MAGI2: variants seen among roughly 807,000 people sequenced by gnomAD.
MAGI2 encodes the protein membrane-associated guanylate kinase, WW and PDZ domain-containing protein 2.
A neutral mutation model predicts 133.3 loss-of-function variants in MAGI2; 35 were observed. The observed-to-expected ratio is 0.26, with a 90% CI of 0.20 to 0.35. The LOEUF is 0.35. Ranked by LOEUF, MAGI2 falls within the 10% of genes least tolerant of loss-of-function variation. The probability of loss-of-function intolerance (pLI) is 1.00; values close to 1 mark genes in which losing one functional copy is unlikely to be tolerated. For missense variants in MAGI2, 1,636 were observed against 1,863.4 expected (o/e 0.88, Z 2.25); for synonymous variants, 729 against 710.6 (o/e 1.03, Z -0.41).
At chr7:78,820,012 G>A (rs1036100706) in intron 2 of MAGI2, among the ~76,000 whole-genome samples, 1 of 151,962 alleles carries the variant, frequency 6.6e-6, no homozygotes, top group Admixed American at 6.5e-5. Context: ...GTCCATGTAT[G>A]TGGGCAGGAA....
chr7:78,963,728 CT>C (rs939453098), intron 2 of MAGI2, among the ~76,000 whole-genome samples: 1 of 150,670 alleles, frequency 6.6e-6, no homozygotes, highest in Non-Finnish European at 1.5e-5. Flanking sequence ...CTTTTTTTTC[CT>C]TAAAAAAAAA....
At chr7:78,633,224 G>C (rs536786551) in intron 2 of MAGI2, among the ~76,000 whole-genome samples, 1 of 152,292 alleles carries the variant, frequency 6.6e-6, no homozygotes, top group Admixed American at 6.5e-5. Flanking sequence ...GGCAACAACA[G>C]ATACTGGGGT....
At chr7:78,190,834 C>T (rs758087807) in intron 12 of MAGI2, among the ~76,000 whole-genome samples, 7 of 152,172 alleles carry the variant, frequency 4.6e-5, no homozygotes, top group Admixed American at 6.5e-5. Context: ...AAATTCAAGT[C>T]CTTCCTTTAT....
At chr7:78,886,420 C>T (rs1796275508) in intron 2 of MAGI2, among the ~76,000 whole-genome samples, 1 of 152,164 alleles carries the variant, frequency 6.6e-6, no homozygotes, top group South Asian at 2.1e-4. Context: ...ATGTAATAAG[C>T]ATCTAATTTC....
intron 1 of MAGI2, among the ~76,000 whole-genome samples, chr7:79,184,606 G>T (rs762501248): frequency 2.0e-5 from 3 of 151,538 alleles, no homozygotes; most frequent in Non-Finnish European, 4.4e-5. Context: ...TTCTAACATG[G>T]GATACAACTT....
chr7:78,254,995 T>A (rs1044181745), intron 10 of MAGI2: 1 of 152,270 alleles, frequency 6.6e-6, no homozygotes, highest in Non-Finnish European at 1.5e-5. Flanking sequence ...TGACTTTCAG[T>A]GTCCTAAGTC....
At chr7:78,880,046 C>A (rs1264449132) in intron 2 of MAGI2, among the ~76,000 whole-genome samples, 2 of 151,950 alleles carry the variant, frequency 1.3e-5, no homozygotes, top group Non-Finnish European at 2.9e-5. Flanking sequence ...ATAAAATGAA[C>A]AAAGTCTTTG....
rs1366134224 is a variant in MAGI2, at chr7:78,521,481, C to T, written c.703G>A (p.Glu235Lys). The change falls in exon 4 of 22, where the codon GAA (glutamate) becomes AAA (lysine). Residue 235 changes from glutamate (E) to lysine (K), a missense_variant. Around this residue, in one of 5 missense-constraint regions of MAGI2, gnomAD observed 165 missense variants for 128.4 expected, o/e 1.28. Coordinates refer to ENST00000354212, the MANE Select transcript of MAGI2 (RefSeq NM_012301.4). Reference protein sequence around the residue: ...EKASIEPPEEEEEERPVVNGN... With the variant: ...EKASIEPPEEKEEERPVVNGN... The stretch of plus-strand genomic sequence containing the variant: ...TTGACCACAGGCCTCTCTTCCTCTT[C>T]CTCCTCAGGAGGCTCTATACTGGCT... 10 of 1,614,130 alleles carry T rather than the reference C, an allele frequency of 6.2e-6. No individual in the cohort carries two copies. Among genetic ancestry groups the T allele is most frequent in the Non-Finnish European group, 8.5e-6 (10 of 1,180,022 alleles).
chr7:78,665,335 G>C (rs1813436021), intron 2 of MAGI2, among the ~76,000 whole-genome samples: 1 of 152,124 alleles, frequency 6.6e-6, no homozygotes, highest in South Asian at 2.1e-4. Context: ...ATACATATAG[G>C]ATAGTTACTC....
chr7:78,573,303 T>TTATATAAATATATATATATAA (rs1801867552), intron 3 of MAGI2, among the ~76,000 whole-genome samples: 1 of 48,896 alleles, frequency 2.0e-5, no homozygotes, highest in African/African-American at 1.1e-4. Flanking sequence ...TATATATATT[T>TTATATAAATATATATATATAA]ATATATATAA....
intron 3 of MAGI2, among the ~76,000 whole-genome samples, chr7:78,534,259 G>GA (rs963641619): frequency 2.0e-5 from 3 of 151,920 alleles, no homozygotes; most frequent in African/African-American, 7.3e-5. Flanking sequence ...GGCTTTTTAA[G>GA]AAAAAAAATT....
At chr7:78,688,014 GA>G (rs1306472957) in intron 2 of MAGI2, among the ~76,000 whole-genome samples, 7 of 105,326 alleles carry the variant, frequency 6.6e-5, no homozygotes, top group South Asian at 6.8e-4. Context: ...AAAAAGAAAA[GA>G]AAAAAAGCAA....
At position 78,018,935 on chromosome 7, in the gene MAGI2, TCTTAA is replaced by T. The variant is rs1356896206; in HGVS notation, c.*375_*379del. The T allele has an allele frequency of 2.5e-6, 1 of 393,998 alleles. No homozygotes were observed. The highest frequency in any genetic ancestry group is 4.5e-6 in the Non-Finnish European group (1 of 223,308). The allele number at this position is 393,998 out of a possible 1,614,324, so 24.4% of individuals were successfully genotyped here. On this transcript the variant is annotated 3_prime_UTR_variant, in exon 22 of 22. Transcript: ENST00000354212. ...AGGCGATATTCCAGTTTGTGATTGC[TCTTAA>T]CTTTGTCCTGTTTCTTGATATAAAG...
At chr7:78,503,555 TCTCCCCCTCCCCCTCCTCCTCCCC>T (rs1794807930) in intron 4 of MAGI2, among the ~76,000 whole-genome samples, 1 of 45,490 alleles carries the variant, frequency 2.2e-5, no homozygotes, top group African/African-American at 1.0e-4. Context: ...ACTCACTCCA[TCTCCCCCTCCCCCTCCTCCTCCCC>T]CTCCTCCTCC....
chr7:79,260,382 AC>A (rs1754419002), intron 1 of MAGI2, among the ~76,000 whole-genome samples: 1 of 27,112 alleles, frequency 3.7e-5, no homozygotes, highest in Non-Finnish European at 1.5e-4. Flanking sequence ...ATACATACAT[AC>A]ATACATACAT....
intron 2 of MAGI2, among the ~76,000 whole-genome samples, chr7:78,695,022 G>A (rs1585111090): frequency 6.6e-6 from 1 of 152,028 alleles, no homozygotes. Flanking sequence ...TCAGGAGATC[G>A]ACATCATCCT....
At chr7:78,934,594 T>C (rs1800380554) in intron 2 of MAGI2, among the ~76,000 whole-genome samples, 1 of 152,160 alleles carries the variant, frequency 6.6e-6, no homozygotes, top group African/African-American at 2.4e-5. Context: ...CTTTCTGATG[T>C]TGTTTCATGC....
At position 78,259,986 on chromosome 7, in the gene MAGI2, G is replaced by A. The variant is rs139115525; in HGVS notation, c.1409-3405C>T. ...TTTTCCACTAACAGCAATTTTTCAA[G>A]TCATCAGGCAAGGATAAAGAACACT... On this transcript the variant is annotated intron_variant, in intron 9 of 21. Transcript: ENST00000354212. 2.0e-3 allele frequency among the ~76,000 whole-genome samples: 307 copies of A among 152,246 alleles called. 2 individuals carry two copies. The highest frequency in any genetic ancestry group is 7.0e-3 in the African/African-American group (289 of 41,530).
intron 2 of MAGI2, among the ~76,000 whole-genome samples, chr7:78,807,947 C>T (rs948032064): frequency 2.7e-4 from 41 of 152,222 alleles, no homozygotes; most frequent in Non-Finnish European, 4.1e-4. Flanking sequence ...TAGTGCCTTG[C>T]CCCAGACTTA....
Sources: allele counts gnomAD v4.1 joint callset (sites outside exome capture counted in the v4.1 genomes callset), GRCh38; gene constraint gnomAD v4.1.1; regional missense constraint gnomAD v4.1.1; transcripts MANE v1.5; gene names NCBI Gene and HGNC (gene_info 2026-07-23, HGNC 2026-07-21).